The following TMC1 variants were observed in gnomAD, a reference collection of about 807,000 sequenced individuals.
The protein encoded by TMC1 is transmembrane channel-like protein 1.
TMC1 carries 84 observed loss-of-function variants against 105.8 expected under a neutral mutation model. The observed-to-expected ratio is 0.79, with a 90% CI of 0.67 to 0.95. TMC1 has a LOEUF of 0.95. Ranked by LOEUF, TMC1 falls within the 40% of genes least tolerant of loss-of-function variation. TMC1 has a pLI of 0.00. For missense variants in TMC1, 817 were observed against 914.1 expected, an observed-to-expected ratio of 0.89 and a Z score of 1.37; for synonymous variants, 315 against 311.5, an observed-to-expected ratio of 1.01 and a Z score of -0.12.
chr9:72,746,040 T>A (rs1364178468), intron 10 of TMC1, among the ~76,000 whole-genome samples: 1 of 152,218 alleles, frequency 6.6e-6, no homozygotes, highest in Non-Finnish European at 1.5e-5. Context: ...AAAACAGATT[T>A]ATACTAAGAG....
intron 19 of TMC1, among the ~76,000 whole-genome samples, chr9:72,819,496 G>T (rs1015645899): frequency 6.6e-6 from 1 of 152,098 alleles, no homozygotes; most frequent in African/African-American, 2.4e-5. Flanking sequence ...TTTAAAATCT[G>T]TCTTCTCATT....
chr9:72,724,387 CTCTCATGG>C (rs1397375607), intron 8 of TMC1, among the ~76,000 whole-genome samples: 1 of 152,172 alleles, frequency 6.6e-6, no homozygotes, highest in East Asian at 1.9e-4. Context: ...TACTAGCCCA[CTCTCATGG>C]TAACCACATT....
intron 18 of TMC1, 81 bp from the exon 19 acceptor site, chr9:72,816,062 A>C: frequency 8.2e-7 from 1 of 1,222,942 alleles, no homozygotes; most frequent in Non-Finnish European, 1.2e-6. Flanking sequence ...TTGAAACCCT[A>C]GCCATGCCTA....
intron 18 of TMC1, among the ~76,000 whole-genome samples, chr9:72,806,377 G>T (rs1383286534): frequency 7.0e-6 from 1 of 142,342 alleles, no homozygotes; most frequent in Non-Finnish European, 1.6e-5. Context: ...CTCCCGGACG[G>T]GGCGGCTGGC....
chr9:72,592,716 C>A (rs1824658140), intron 2 of TMC1, among the ~76,000 whole-genome samples: 1 of 152,198 alleles, frequency 6.6e-6, no homozygotes, highest in Non-Finnish European at 1.5e-5. Flanking sequence ...TGGAGAACAT[C>A]CCTAGGTATC....
chr9:72,651,908 C>T (rs932309448), intron 5 of TMC1, among the ~76,000 whole-genome samples: 2 of 151,972 alleles, frequency 1.3e-5, no homozygotes, highest in African/African-American at 2.4e-5. Flanking sequence ...ATCCCTCACC[C>T]CCCATCCTTT....
chr9:72,590,798 A>G (rs1010798282), intron 2 of TMC1, among the ~76,000 whole-genome samples: 3 of 152,170 alleles, frequency 2.0e-5, no homozygotes, highest in African/African-American at 7.2e-5. Context: ...ATTGTTGCAA[A>G]CAGGACATTT....
chr9:72,757,936 G>T (rs2118078376), intron 12 of TMC1, among the ~76,000 whole-genome samples: 1 of 152,124 alleles, frequency 6.6e-6, no homozygotes, highest in Middle Eastern at 3.4e-3. Flanking sequence ...GCTAGTAAAA[G>T]GACTTTTATT....
At chr9:72,829,055 G>A (rs1829001364) in intron 21 of TMC1, among the ~76,000 whole-genome samples, 1 of 152,206 alleles carries the variant, frequency 6.6e-6, no homozygotes, top group South Asian at 2.1e-4. Flanking sequence ...CCATGCAAAT[G>A]TCAAATAGAT....
In TMC1 at chr9:72,793,264, C is replaced by T. The variant is rs1828306895; in HGVS notation, c.1566+912C>T. Among the ~76,000 whole-genome samples, 3 of 152,144 alleles carry T rather than the reference C, an allele frequency of 2.0e-5. No individual in the cohort carries two copies. In the South Asian group the frequency reaches 6.2e-4, roughly 32 times the overall value. On this transcript the variant is annotated intron_variant, in intron 17 of 23. Transcript: ENST00000297784. ...CACCCCTTAGAAAAGGGGCTGAATC[C>T]AGTGACAGTCTGCAGGCCCCACTTC... is the stretch of plus-strand genomic sequence containing the variant.
chr9:72,547,821 C>T (rs766924933), intron 1 of TMC1, among the ~76,000 whole-genome samples: 5 of 152,260 alleles, frequency 3.3e-5, no homozygotes, highest in African/African-American at 1.2e-4. Context: ...TTAGTCCACT[C>T]GGGATGCTTT....
intron 5 of TMC1, among the ~76,000 whole-genome samples, chr9:72,674,809 A>G (rs1826176323): frequency 6.6e-6 from 1 of 152,204 alleles, no homozygotes; most frequent in Non-Finnish European, 1.5e-5. Flanking sequence ...GAAGAGGAAA[A>G]TTGATGGTCT....
At chr9:72,601,010 C>T (rs1564436426) in intron 2 of TMC1, among the ~76,000 whole-genome samples, 2 of 152,158 alleles carry the variant, frequency 1.3e-5, no homozygotes, top group African/African-American at 4.8e-5. Context: ...TTTCTGTGTT[C>T]CAAATACAGG....
chr9:72,728,006 T>C (rs886744441), intron 8 of TMC1, among the ~76,000 whole-genome samples: 1 of 152,162 alleles, frequency 6.6e-6, no homozygotes, highest in Non-Finnish European at 1.5e-5. Flanking sequence ...TTGTAAATTG[T>C]GTAAAATTCT....
At chr9:72,568,379 G>A (rs187310847) in intron 1 of TMC1, among the ~76,000 whole-genome samples, 4 of 152,216 alleles carry the variant, frequency 2.6e-5, no homozygotes, top group East Asian at 3.9e-4. Context: ...AAATGGAAAC[G>A]AGATTAGAAT....
At chr9:72,666,117 T>C (rs1231479354) in intron 5 of TMC1, among the ~76,000 whole-genome samples, 3 of 152,168 alleles carry the variant, frequency 2.0e-5, no homozygotes, top group African/African-American at 7.2e-5. Flanking sequence ...AATAGTTAGA[T>C]TTAAAACATA....
intron 5 of TMC1, among the ~76,000 whole-genome samples, chr9:72,682,708 G>A (rs1027272182): frequency 6.6e-6 from 1 of 152,184 alleles, no homozygotes; most frequent in Admixed American, 6.6e-5. Flanking sequence ...ACCACCAATA[G>A]TGTTATCATA....
rs1171556748 is a variant in TMC1 at position 72,816,163 on chromosome 9, C to T, written c.1716C>T (p.Asp572=). The change falls in exon 19 of 24, where the codon GAC becomes GAT. Residue 572 remains aspartate (D), a synonymous_variant. Coordinates refer to ENST00000297784, the MANE Select transcript of TMC1 (RefSeq NM_138691.3). ...TCTAGCCTTCATACACCGAATTCGA[C>T]ATCAGTGGCAACGTCCTCGCTCTGA... is the stretch of plus-strand genomic sequence containing the variant. ...EYGYPSYTEF[D]ISGNVLALIF... 1 of 1,613,398 alleles carries T rather than the reference C, an allele frequency of 6.2e-7. No homozygotes were observed. The highest frequency in any genetic ancestry group is 1.3e-5 in the African/African-American group (1 of 74,892).
intron 8 of TMC1, among the ~76,000 whole-genome samples, chr9:72,715,329 TCTC>T (rs1207457278): frequency 1.3e-5 from 2 of 152,292 alleles, no homozygotes; most frequent in Admixed American, 6.5e-5. Flanking sequence ...TTGGGGAAGT[TCTC>T]CTGGATAATA....
Sources: gnomAD v4.1 joint callset for allele counts (sites outside exome capture counted in the v4.1 genomes callset) on GRCh38, gnomAD v4.1.1 for gene constraint, MANE v1.5 for transcripts, NCBI Gene and HGNC (gene_info 2026-07-23, HGNC 2026-07-21) for gene names.